Variants in FFAR2 observed in about 807,000 individuals in gnomAD.
The protein encoded by FFAR2 is G-protein coupled receptor 43.
For synonymous variants in FFAR2, 193 were observed against 189.9 expected, an observed-to-expected ratio of 1.02 and a Z score of -0.13; for missense variants, 421 against 428.9, an observed-to-expected ratio of 0.98 and a Z score of 0.16.
rs1297346085 is a variant in FFAR2 at position 35,450,261 on chromosome 19, C to CTGTG, written c.548_551dup (p.Leu185ValfsTer129). 2 of 1,614,240 alleles carry CTGTG rather than the reference C, an allele frequency of 1.2e-6. No homozygotes were observed. The highest frequency in any genetic ancestry group is 1.7e-6 in the Non-Finnish European group (2 of 1,180,048). On this transcript the variant is annotated frameshift_variant, in exon 2 of 2. Coordinates refer to ENST00000599180, the MANE Select transcript of FFAR2 (RefSeq NM_001370087.1). LOFTEE classifies it low-confidence loss of function (END_TRUNC). The stretch of plus-strand genomic sequence containing the variant: ...CGTGGTGCTGCCCGTGCGGCTGGAG[C>CTGTG]TGTGCCTGGTGCTCTTCTTCATCCC...
chr19:35,450,095 G>A lies in FFAR2; in HGVS notation c.381G>A (p.Val127=). 1 of 1,614,216 alleles carries A rather than the reference G, an allele frequency of 6.2e-7. No individual in the cohort carries two copies. The highest frequency in any genetic ancestry group is 8.5e-7 in the Non-Finnish European group (1 of 1,180,044). ...TCTCCCGCCGGCCTCTGTATGGAGT[G>A]ATTGCAGCTCTGGTGGCCTGGGTTA... ...YKLSRRPLYG[V]IAALVAWVMS... Residue 127 remains valine (V), a synonymous_variant, in exon 2 of 2, where the codon GTG becomes GTA. Transcript: ENST00000599180.
Position 35,450,139 on chromosome 19 carries a change from C to T in FFAR2, c.425C>T (p.Thr142Ile). 1 of 1,614,194 alleles carries T rather than the reference C, an allele frequency of 6.2e-7. No individual in the cohort carries two copies. The highest frequency in any genetic ancestry group is 1.1e-5 in the South Asian group (1 of 91,082). ...TGGGTTATGTCCTTTGGTCACTGCA[C>T]CATCGTGATCATCGTTCAATACTTG... ...VAWVMSFGHC[T>I]IVIIVQYLNT... Residue 142 changes from threonine (T) to isoleucine (I), a missense_variant, in exon 2 of 2, where the codon ACC (threonine) becomes ATC (isoleucine). Physicochemically the swap from Thr to Ile is moderately conservative, Grantham distance 89. Transcript: ENST00000599180.
rs2067382071 is a variant in FFAR2, at chr19:35,451,537, T to C, written c.*830T>C. On this transcript the variant is annotated 3_prime_UTR_variant, in exon 2 of 2. Transcript: ENST00000599180. ...CTTTAATGATAGGGGTTTCCCTGCA[T>C]TGGTTTGACCTGTTGCCTTTTTGAT... 6.6e-6 allele frequency: 1 copy of C among 152,208 alleles called. No homozygotes were observed. The highest frequency in any genetic ancestry group is 6.6e-5 in the Admixed American group (1 of 15,262). 9.4% of individuals were successfully genotyped at this position (152,208 alleles called of 1,614,324 possible).
In FFAR2 at chr19:35,450,589, G is replaced by A. The variant is rs143092631; in HGVS notation, c.875G>A (p.Arg292Gln). ...RAFGRGLQVL[R>Q]NQGSSLLGRR... Reference sequence around the variant, plus strand: ...TTTGGGAGAGGGCTGCAGGTGCTGCGGAATCAGGGCTCCTCCCTGTTGGGA... The same window carrying A: ...TTTGGGAGAGGGCTGCAGGTGCTGCAGAATCAGGGCTCCTCCCTGTTGGGA... Residue 292 changes from arginine to glutamine, a missense_variant, in exon 2 of 2, where the codon CGG becomes CAG. By Grantham distance (43) the Arg-to-Gln change is conservative. Coordinates refer to ENST00000599180, the MANE Select transcript of FFAR2 (RefSeq NM_001370087.1). 92 of 1,614,098 alleles carry A rather than the reference G, an allele frequency of 5.7e-5. No homozygotes were observed. Among genetic ancestry groups the A allele is most frequent in the East Asian group, 5.6e-4 (25 of 44,896 alleles).
In FFAR2 at chr19:35,451,220, TAA is replaced by T. The variant is rs896189438; in HGVS notation, c.*535_*536del. 3.4e-3 allele frequency: 382 copies of T among 112,114 alleles called. 1 individual carries two copies. Among genetic ancestry groups the T allele is most frequent in the African/African-American group, 0.01 (300 of 29,430 alleles). The allele number at this position is 112,114 out of a possible 1,614,324, so 6.9% of individuals were successfully genotyped here. A position where few individuals can be genotyped will look rare whatever the true frequency, so the allele number is the denominator to read the frequency against. ...CCTAGCGACAGAGCAAGACTCCATT[TAA>T]AAAAAAAAAAAAAAAAAAAAAGAAG... On this transcript the variant is annotated 3_prime_UTR_variant, in exon 2 of 2. Coordinates refer to ENST00000599180, the MANE Select transcript of FFAR2 (RefSeq NM_001370087.1).
rs763629458 is a variant in FFAR2, at chr19:35,449,843, T to C, written c.129T>C (p.Pro43=). The C allele has an allele frequency of 1.4e-5, 23 of 1,613,812 alleles. No individual in the cohort carries two copies. The highest frequency in any genetic ancestry group is 1.6e-4 in the Middle Eastern group (1 of 6,084). The change falls in exon 2 of 2, where the codon CCT becomes CCC. Residue 43 remains proline (P), a synonymous_variant. Transcript: ENST00000599180. ...GGATCCGCCAGCCCCAGCCTGCACC[T>C]GTGCACATCCTCCTGCTGAGCCTGA... ...VGRIRQPQPA[P]VHILLLSLTL...
chr19:35,449,740 T>C lies in FFAR2; in HGVS notation c.26T>C (p.Leu9Ser). 1 of 1,570,716 alleles carries C rather than the reference T, an allele frequency of 6.4e-7. No homozygotes were observed. Among genetic ancestry groups the C allele is most frequent in the Non-Finnish European group, 8.6e-7 (1 of 1,159,090 alleles). Reference protein sequence around the residue: MLPDWKSSLILMAYIIIFL... With the variant: MLPDWKSSSILMAYIIIFL... ...ATGCTGCCGGACTGGAAGAGCTCCT[T>C]GATCCTCATGGCTTACATCATCATC... Residue 9 changes from leucine (L) to serine (S), a missense_variant, in exon 2 of 2, where the codon TTG (leucine) becomes TCG (serine). Leu to Ser is a moderately radical substitution (Grantham distance 145, BLOSUM62 -2). Coordinates refer to ENST00000599180, the MANE Select transcript of FFAR2 (RefSeq NM_001370087.1).
Position 35,449,841 on chromosome 19 carries a change from C to T in FFAR2, c.127C>T (p.Pro43Ser), listed in dbSNP as rs757914012. The stretch of plus-strand genomic sequence containing the variant: ...GCGGATCCGCCAGCCCCAGCCTGCA[C>T]CTGTGCACATCCTCCTGCTGAGCCT... ...VGRIRQPQPAPVHILLLSLTL... is the reference protein window; with the variant it reads ...VGRIRQPQPASVHILLLSLTL... The change falls in exon 2 of 2, where the codon CCT becomes TCT. Residue 43 changes from proline (P) to serine (S), a missense_variant. Coordinates refer to ENST00000599180, the MANE Select transcript of FFAR2 (RefSeq NM_001370087.1). 19 of 1,613,828 alleles carry T rather than the reference C, an allele frequency of 1.2e-5. No individual in the cohort carries two copies. Among genetic ancestry groups the T allele is most frequent in the Non-Finnish European group, 1.4e-5 (16 of 1,180,038 alleles).
rs181835789 is a variant in FFAR2 at position 35,450,818 on chromosome 19, C to T, written c.*111C>T. 8.5e-7 allele frequency: 1 copy of T among 1,177,616 alleles called. No individual in the cohort carries two copies. Among genetic ancestry groups the T allele is most frequent in the African/African-American group, 1.5e-5 (1 of 65,056 alleles). The allele number at this position is 1,177,616 out of a possible 1,614,324, so 72.9% of individuals were successfully genotyped here. A position where few individuals can be genotyped will look rare whatever the true frequency, so the allele number is the denominator to read the frequency against. ...GATTCAGAAATCCTTAGACCCAGCC[C>T]AGGACTGCGACTTTGAAAAAAATGC... On this transcript the variant is annotated 3_prime_UTR_variant, in exon 2 of 2. Coordinates refer to ENST00000599180, the MANE Select transcript of FFAR2 (RefSeq NM_001370087.1).
At position 35,450,164 on chromosome 19, in the gene FFAR2, G is replaced by T; in HGVS notation, c.450G>T (p.Leu150Phe). 6.2e-7 allele frequency: 1 copy of T among 1,614,184 alleles called. No homozygotes were observed. The highest frequency in any genetic ancestry group is 8.5e-7 in the Non-Finnish European group (1 of 1,180,036). The change falls in exon 2 of 2, where the codon TTG becomes TTT. Residue 150 changes from leucine to phenylalanine, a missense_variant. Transcript: ENST00000599180. The stretch of plus-strand genomic sequence containing the variant: ...CCATCGTGATCATCGTTCAATACTT[G>T]AACACGACTGAGCAGGTCAGAAGTG... ...HCTIVIIVQY[L>F]NTTEQVRSGN...
rs1212744030 is a variant in FFAR2 at position 35,450,428 on chromosome 19, C to T, written c.714C>T (p.Tyr238=). 3 of 1,614,264 alleles carry T rather than the reference C, an allele frequency of 1.9e-6. No individual in the cohort carries two copies. Among genetic ancestry groups the T allele is most frequent in the Non-Finnish European group, 2.5e-6 (3 of 1,180,046 alleles). The change falls in exon 2 of 2, where the codon TAC becomes TAT. Residue 238 remains tyrosine (Y), a synonymous_variant. Transcript: ENST00000599180. ...ATTTCCTGGTGTGCTTCGGACCTTA[C>T]AACGTGTCCCACCTGGTGGGGTATC... ...LLNFLVCFGP[Y]NVSHLVGYHQ...
In FFAR2 at chr19:35,451,234, A is replaced by G. The variant is rs2145765228; in HGVS notation, c.*527A>G. 6.6e-6 allele frequency: 1 copy of G among 152,130 alleles called. No homozygotes were observed. Among genetic ancestry groups the G allele is most frequent in the East Asian group, 1.9e-4 (1 of 5,190 alleles). The allele number at this position is 152,130 out of a possible 1,614,324, so 9.4% of individuals were successfully genotyped here. ...AAGACTCCATTTAAAAAAAAAAAAA[A>G]AAAAAAAAAGAAGCACCTTCAGGCT... is the stretch of plus-strand genomic sequence containing the variant. On this transcript the variant is annotated 3_prime_UTR_variant, in exon 2 of 2. Coordinates refer to ENST00000599180, the MANE Select transcript of FFAR2 (RefSeq NM_001370087.1).
intron 1 of FFAR2, 82 bp downstream of exon 1, chr19:35,448,461 G>T (rs1192474969): frequency 1.3e-5 from 2 of 152,364 alleles, no homozygotes; most frequent in Non-Finnish European, 2.9e-5. Flanking sequence ...GAGACTGGAG[G>T]AAGGATGTCA....
intron 1 of FFAR2, 115 bp from the exon 2 acceptor site, chr19:35,449,599 C>A (rs2067366116): frequency 1.8e-6 from 2 of 1,132,246 alleles, no homozygotes; most frequent in Non-Finnish European, 2.5e-6. Context: ...CATCAGAAAG[C>A]ACAGTCCTGG....
chr19:35,449,462 C>T (rs1023578204), intron 1 of FFAR2, among the ~76,000 whole-genome samples: 7 of 152,186 alleles, frequency 4.6e-5, no homozygotes, highest in African/African-American at 1.2e-4. Context: ...CTTGGGAAGC[C>T]ACGAGTTGGT....
At chr19:35,449,619 G>A (rs902139060) in intron 1 of FFAR2, 95 bp from the exon 2 acceptor site, 37 of 1,322,728 alleles carry the variant, frequency 2.8e-5, no homozygotes, top group Non-Finnish European at 3.7e-5. Flanking sequence ...GGAAGGGGAC[G>A]GTGCCGGGGA....
Position 35,450,908 on chromosome 19 carries a change from T to C in FFAR2, c.*201T>C. The C allele has an allele frequency of 3.4e-6, 2 of 590,886 alleles. No individual in the cohort carries two copies. The highest frequency in any genetic ancestry group is 4.4e-5 in the South Asian group (2 of 45,480). The allele number at this position is 590,886 out of a possible 1,614,324, so 36.6% of individuals were successfully genotyped here. A position where few individuals can be genotyped will look rare whatever the true frequency, so the allele number is the denominator to read the frequency against. On this transcript the variant is annotated 3_prime_UTR_variant, in exon 2 of 2. Coordinates refer to ENST00000599180, the MANE Select transcript of FFAR2 (RefSeq NM_001370087.1). The stretch of plus-strand genomic sequence containing the variant: ...TACTCAAAGGAGCATAAGTCAGAGA[T>C]GCACGAAGAAGTAGTTAGGTATAGA...
Position 35,450,492 on chromosome 19 carries a change from G to C in FFAR2, c.778G>C (p.Val260Leu). Residue 260 changes from valine (V) to leucine (L), a missense_variant, in exon 2 of 2, where the codon GTG becomes CTG. Physicochemically the swap from Val to Leu is conservative, Grantham distance 32. Coordinates refer to ENST00000599180, the MANE Select transcript of FFAR2 (RefSeq NM_001370087.1). ...KSPWWRSIAV[V>L]FSSLNASLDP... ...CCCCTGGTGGCGGTCAATAGCCGTGGTGTTCAGTTCACTCAACGCCAGTCT... is the reference window on the plus strand; with the variant it reads ...CCCCTGGTGGCGGTCAATAGCCGTGCTGTTCAGTTCACTCAACGCCAGTCT... The C allele has an allele frequency of 6.2e-7, 1 of 1,614,266 alleles. No homozygotes were observed. Among genetic ancestry groups the C allele is most frequent in the Non-Finnish European group, 8.5e-7 (1 of 1,180,046 alleles).
rs2067370512 is a variant in FFAR2, at chr19:35,450,058, T to A, written c.344T>A (p.Val115Glu). The A allele has an allele frequency of 6.2e-7, 1 of 1,614,040 alleles. No individual in the cohort carries two copies. Among genetic ancestry groups the A allele is most frequent in the African/African-American group, 1.3e-5 (1 of 74,908 alleles). ...IERYLGVAFP[V>E]QYKLSRRPLY... Reference sequence around the variant, plus strand: ...CGCTACCTGGGAGTGGCTTTCCCCGTGCAGTACAAGCTCTCCCGCCGGCCT... The same window carrying A: ...CGCTACCTGGGAGTGGCTTTCCCCGAGCAGTACAAGCTCTCCCGCCGGCCT... The change falls in exon 2 of 2, where the codon GTG (valine) becomes GAG (glutamate). Residue 115 changes from valine (V) to glutamate (E), a missense_variant. Val to Glu is a moderately radical substitution (Grantham distance 121). Coordinates refer to ENST00000599180, the MANE Select transcript of FFAR2 (RefSeq NM_001370087.1).
Sources: allele counts gnomAD v4.1 joint callset (sites outside exome capture counted in the v4.1 genomes callset), GRCh38; gene constraint gnomAD v4.1.1; transcripts MANE v1.5; gene names NCBI Gene and HGNC (gene_info 2026-07-23, HGNC 2026-07-21).